Variants in PPIL6 observed in about 807,000 individuals in gnomAD.
PPIL6 encodes peptidylprolyl isomerase like 6.
Under a neutral mutation model 36.8 loss-of-function variants are expected in PPIL6, and 39 were observed. The observed-to-expected ratio is 1.06, with a 90% CI of 0.82 to 1.38. The LOEUF is 1.38. PPIL6 is among the 40% of genes most tolerant of loss of function. PPIL6 has a pLI of 0.00. For synonymous variants in PPIL6, 123 were observed against 134.1 expected (o/e 0.92, Z 0.57); for missense variants, 368 against 379.1 (o/e 0.97, Z 0.24).
chr6:109,427,882 T>A (rs1245926968), intron 3 of PPIL6, among the ~76,000 whole-genome samples: 1 of 152,154 alleles, frequency 6.6e-6, no homozygotes, highest in Non-Finnish European at 1.5e-5. Context: ...TTGGGAAGGA[T>A]CCATCATGAA....
chr6:109,438,961 T>C (rs1031434385), intron 1 of PPIL6, among the ~76,000 whole-genome samples: 1 of 152,248 alleles, frequency 6.6e-6, no homozygotes, highest in Non-Finnish European at 1.5e-5. Context: ...AAATTTCGTG[T>C]CCATAATATG....
chr6:109,404,568 C>T (rs959053254), intron 6 of PPIL6, among the ~76,000 whole-genome samples: 1 of 152,190 alleles, frequency 6.6e-6, no homozygotes, highest in African/African-American at 2.4e-5. Context: ...ACAAGCCTTC[C>T]GAGTAGAAAC....
At position 109,392,691 on chromosome 6, in the gene PPIL6, G is replaced by C. The variant is rs553228724; in HGVS notation, c.*135C>G. On this transcript the variant is annotated 3_prime_UTR_variant, in exon 8 of 8. Coordinates refer to ENST00000521072, the MANE Select transcript of PPIL6 (RefSeq NM_173672.5). ...CAGGAAAGGAAGATGGGGAGGGATT[G>C]GGTGTAGATGAGGCAACCTACAGTG... 304 of 589,372 alleles carry C rather than the reference G, an allele frequency of 5.2e-4. No individual in the cohort carries two copies. Among genetic ancestry groups the C allele is most frequent in the Admixed American group, 3.6e-3 (113 of 31,088 alleles). The allele number at this position is 589,372 out of a possible 1,614,324, so 36.5% of individuals were successfully genotyped here.
At position 109,391,227 on chromosome 6, in the gene PPIL6, G is replaced by A. The variant is rs1265518404; in HGVS notation, c.*1599C>T. ...GGCATGAATCAGGGAGGCAGAGCTTGCAGTGAGCCGAGATTGTGCCACTGC... is the reference window on the plus strand; with the variant it reads ...GGCATGAATCAGGGAGGCAGAGCTTACAGTGAGCCGAGATTGTGCCACTGC... On this transcript the variant is annotated 3_prime_UTR_variant, in exon 8 of 8. Coordinates refer to ENST00000521072, the MANE Select transcript of PPIL6 (RefSeq NM_173672.5). 1 of 138,822 alleles carries A rather than the reference G, an allele frequency of 7.2e-6. No homozygotes were observed. Among genetic ancestry groups the A allele is most frequent in the Non-Finnish European group, 1.5e-5 (1 of 66,014 alleles). 8.6% of individuals were successfully genotyped at this position (138,822 alleles called of 1,614,324 possible).
At chr6:109,431,504 G>A (rs2115279142) in intron 2 of PPIL6, among the ~76,000 whole-genome samples, 159 bp from the exon 3 acceptor site, 1 of 151,874 alleles carries the variant, frequency 6.6e-6, no homozygotes, top group South Asian at 2.1e-4. Flanking sequence ...TCAGAATTTT[G>A]CTCTCAGAAA....
In PPIL6 at chr6:109,428,387, C is replaced by A. The variant is rs552482576; in HGVS notation, c.421-1231G>T. 6.2e-4 allele frequency among the ~76,000 whole-genome samples: 94 copies of A among 151,716 alleles called. 1 individual carries two copies. The South Asian group carries it at 0.019, about 31-fold the overall frequency. On this transcript the variant is annotated intron_variant, in intron 3 of 7. Coordinates refer to ENST00000521072, the MANE Select transcript of PPIL6 (RefSeq NM_173672.5). ...GCAACATGGTGAGACCCTGTCTTTACAAAAAAATTAAGAAATTAGCTGGGC... is the reference window on the plus strand; with the variant it reads ...GCAACATGGTGAGACCCTGTCTTTAAAAAAAAATTAAGAAATTAGCTGGGC...
In PPIL6 at chr6:109,391,543, G is replaced by A. The variant is rs181792521; in HGVS notation, c.*1283C>T. On this transcript the variant is annotated 3_prime_UTR_variant, in exon 8 of 8. Coordinates refer to ENST00000521072, the MANE Select transcript of PPIL6 (RefSeq NM_173672.5). ...AATGAACACAGAATCTGTGCCCCAC[G>A]CCTGGGAACCCTGGGGAAAGAACCA... 10 of 151,988 alleles carry A rather than the reference G, an allele frequency of 6.6e-5. No individual in the cohort carries two copies. Among genetic ancestry groups the A allele is most frequent in the East Asian group, 1.9e-4 (1 of 5,146 alleles). 9.4% of individuals were successfully genotyped at this position (151,988 alleles called of 1,614,324 possible). A position where few individuals can be genotyped will look rare whatever the true frequency, so the allele number is the denominator to read the frequency against.
At chr6:109,423,725 A>AT (rs1006709607) in intron 5 of PPIL6, among the ~76,000 whole-genome samples, 4 of 151,852 alleles carry the variant, frequency 2.6e-5, no homozygotes, top group Non-Finnish European at 5.9e-5. Context: ...GTTGGTATCA[A>AT]TTTTTTTTAA....
chr6:109,430,490 G>A (rs1582591136), intron 3 of PPIL6, among the ~76,000 whole-genome samples: 3 of 151,354 alleles, frequency 2.0e-5, no homozygotes, highest in African/African-American at 7.3e-5. Context: ...GCAGTGGTGC[G>A]ATCTCGGCTC....
chr6:109,429,526 T>G (rs542002359), intron 3 of PPIL6, among the ~76,000 whole-genome samples: 70 of 152,200 alleles, frequency 4.6e-4, no homozygotes, highest in Non-Finnish European at 2.9e-4. Flanking sequence ...CACTAGAACC[T>G]AAAGGGGCCA....
At chr6:109,411,251 G>A (rs530051015) in intron 6 of PPIL6, among the ~76,000 whole-genome samples, 13 of 152,214 alleles carry the variant, frequency 8.5e-5, no homozygotes, top group Non-Finnish European at 1.3e-4. Flanking sequence ...GCAGCACCCC[G>A]GGGCAGCTTT....
intron 3 of PPIL6, among the ~76,000 whole-genome samples, chr6:109,429,554 T>A (rs527391764): frequency 6.6e-6 from 1 of 152,274 alleles, no homozygotes; most frequent in South Asian, 2.1e-4. Flanking sequence ...CCTCTCCCCA[T>A]GCTGAGAGCA....
At chr6:109,416,822 T>C (rs1025663639) in intron 6 of PPIL6, among the ~76,000 whole-genome samples, 4 of 152,140 alleles carry the variant, frequency 2.6e-5, no homozygotes, top group Non-Finnish European at 5.9e-5. Flanking sequence ...CTGCCTTTCT[T>C]ATAGCCATCC....
At position 109,408,113 on chromosome 6, in the gene PPIL6, C is replaced by G. The variant is rs80292359; in HGVS notation, c.689-7943G>C. The stretch of plus-strand genomic sequence containing the variant: ...AAAGGGCTCATGGCAACACTATTCC[C>G]TGAAGTCTTGCATGTTGATAAACCT... On this transcript the variant is annotated intron_variant, in intron 6 of 7. Coordinates refer to ENST00000521072, the MANE Select transcript of PPIL6 (RefSeq NM_173672.5). 9.7e-3 allele frequency among the ~76,000 whole-genome samples: 1,475 copies of G among 152,320 alleles called. 27 individuals carry two copies. The highest frequency in any genetic ancestry group is 0.06 in the East Asian group (311 of 5,180).
intron 1 of PPIL6, chr6:109,440,252 C>T (rs1353081717): frequency 4.4e-6 from 3 of 689,614 alleles, no homozygotes; most frequent in Middle Eastern, 2.4e-4. Context: ...AGTGGAACGC[C>T]CGCCCCCGGA....
chr6:109,434,463 G>C (rs1187410096), intron 2 of PPIL6, among the ~76,000 whole-genome samples: 2 of 152,096 alleles, frequency 1.3e-5, no homozygotes, highest in Non-Finnish European at 2.9e-5. Flanking sequence ...CTAGAATACT[G>C]TCTGTCATAT....
chr6:109,429,705 G>A (rs1244238219), intron 3 of PPIL6, among the ~76,000 whole-genome samples: 1 of 152,216 alleles, frequency 6.6e-6, no homozygotes, highest in Non-Finnish European at 1.5e-5. Flanking sequence ...GGCCAGCAGT[G>A]CCATGGCAGT....
intron 7 of PPIL6, among the ~76,000 whole-genome samples, chr6:109,395,850 T>C (rs1261098333): frequency 4.4e-5 from 5 of 114,056 alleles, no homozygotes; most frequent in South Asian, 2.9e-4. Flanking sequence ...TTTTTTTTTT[T>C]CCTGAGACGG....
chr6:109,440,297 C>G (rs1260302780), intron 1 of PPIL6, 159 bp downstream of exon 1: 1 of 937,640 alleles, frequency 1.1e-6, no homozygotes, highest in Non-Finnish European at 1.6e-6. Flanking sequence ...CCTCCCGGTC[C>G]TCCAGACGGA....
Sources: allele counts gnomAD v4.1 joint callset (sites outside exome capture counted in the v4.1 genomes callset), GRCh38; gene constraint gnomAD v4.1.1; transcripts MANE v1.5; gene names NCBI Gene and HGNC (gene_info 2026-07-23, HGNC 2026-07-21).